Variants in SPIN1 observed in about 807,000 individuals in gnomAD.
The protein encoded by SPIN1 is spindlin 1.
A neutral mutation model predicts 26.0 loss-of-function variants in SPIN1; 3 were observed. That is an observed-to-expected ratio of 0.12 (90% CI 0.05 to 0.30). The LOEUF (loss-of-function observed/expected upper bound fraction) is 0.30. SPIN1 is among the 10% of genes least tolerant of loss of function. The pLI is 1.00. For missense variants in SPIN1, 126 were observed against 333.4 expected, an observed-to-expected ratio of 0.38 and a Z score of 4.84; for synonymous variants, 101 against 116.5, an observed-to-expected ratio of 0.87 and a Z score of 0.86.
chr9:88,417,304 G>C (rs967173968), intron 1 of SPIN1, among the ~76,000 whole-genome samples: 2 of 152,056 alleles, frequency 1.3e-5, no homozygotes, highest in Non-Finnish European at 1.5e-5. Flanking sequence ...GATCAAATGT[G>C]TGTGGGTTTT....
At chr9:88,410,540 TGCTACTGCCATA>T in intron 1 of SPIN1, 3 of 802,684 alleles carry the variant, frequency 3.7e-6, no homozygotes, top group Non-Finnish European at 6.6e-6. Flanking sequence ...TAAAATCTTC[TGCTACTGCCATA>T]GCTACTGCTG....
chr9:88,473,660 T>TGC (rs1554698701), intron 5 of SPIN1, among the ~76,000 whole-genome samples: 19 of 152,062 alleles, frequency 1.2e-4, no homozygotes, highest in African/African-American at 4.1e-4. Flanking sequence ...TGTGTGTGTG[T>TGC]GCACGCGCTA....
rs193066784 is a variant in SPIN1, at chr9:88,423,431, G to A, written c.-158-2951G>A. On this transcript the variant is annotated intron_variant, in intron 1 of 5. Coordinates refer to ENST00000375859, the MANE Select transcript of SPIN1 (RefSeq NM_006717.3). Reference sequence around the variant, plus strand: ...GGAAATACTACATTATGGTTTGTGGGTTTTTTGTTTGTTTGTTTGTTTGTT... The same window carrying A: ...GGAAATACTACATTATGGTTTGTGGATTTTTTGTTTGTTTGTTTGTTTGTT... Among the ~76,000 whole-genome samples the A allele has an allele frequency of 6.1e-4, 90 of 148,758 alleles. 1 individual carries two copies. The Middle Eastern group carries it at 0.014, about 22-fold the overall frequency.
chr9:88,398,610 T>C (rs575994369), intron 1 of SPIN1, among the ~76,000 whole-genome samples: 1 of 152,230 alleles, frequency 6.6e-6, no homozygotes, highest in African/African-American at 2.4e-5. Flanking sequence ...AGTTTCGCTC[T>C]TGTTGCCCAG....
chr9:88,449,675 C>T (rs370787710), intron 3 of SPIN1, among the ~76,000 whole-genome samples: 5 of 152,046 alleles, frequency 3.3e-5, no homozygotes, highest in Admixed American at 6.6e-5. Context: ...TTTATTATAT[C>T]TAATAGATTT....
In SPIN1 at chr9:88,477,999, A is replaced by AT. The variant is rs1390202556; in HGVS notation, c.*2727dup. On this transcript the variant is annotated 3_prime_UTR_variant, in exon 6 of 6. Coordinates refer to ENST00000375859, the MANE Select transcript of SPIN1 (RefSeq NM_006717.3). ...ATATTTAGGTTTTTTTGTTTTCTTT[A>AT]TTTTTATTTGTTTTCAGTTTCCTGT... 6.6e-6 allele frequency: 1 copy of AT among 151,962 alleles called. No individual in the cohort carries two copies. Among genetic ancestry groups the AT allele is most frequent in the Non-Finnish European group, 1.5e-5 (1 of 67,984 alleles). 9.4% of individuals were successfully genotyped at this position (151,962 alleles called of 1,614,324 possible).
chr9:88,461,818 A>T (rs1204486657), intron 3 of SPIN1, among the ~76,000 whole-genome samples: 1 of 152,208 alleles, frequency 6.6e-6, no homozygotes, highest in Non-Finnish European at 1.5e-5. Context: ...TCAATTGCTA[A>T]TAATAAGCCA....
At chr9:88,444,617 A>G (rs1828206191) in intron 2 of SPIN1, among the ~76,000 whole-genome samples, 1 of 151,058 alleles carries the variant, frequency 6.6e-6, no homozygotes, top group Non-Finnish European at 1.5e-5. Context: ...ATCTCAGATC[A>G]TTTCAGGGAT....
chr9:88,406,915 T>C (rs770370706), intron 1 of SPIN1, among the ~76,000 whole-genome samples: 28 of 152,194 alleles, frequency 1.8e-4, no homozygotes, highest in Non-Finnish European at 3.4e-4. Context: ...TGCATTGTTT[T>C]AATTCTGTCT....
intron 3 of SPIN1, among the ~76,000 whole-genome samples, chr9:88,457,324 G>T (rs925582101): frequency 3.9e-5 from 6 of 152,074 alleles, no homozygotes; most frequent in Non-Finnish European, 8.8e-5. Flanking sequence ...GAGGCCAGGA[G>T]TTTGAGCCAG....
At chr9:88,432,494 T>G (rs1236012553) in intron 2 of SPIN1, among the ~76,000 whole-genome samples, 1 of 150,536 alleles carries the variant, frequency 6.6e-6, no homozygotes, top group Non-Finnish European at 1.5e-5. Flanking sequence ...CCTTTTTTTT[T>G]TTTTCTTTGA....
intron 2 of SPIN1, among the ~76,000 whole-genome samples, chr9:88,443,101 C>T (rs1346134282): frequency 1.5e-5 from 2 of 132,550 alleles, no homozygotes; most frequent in Admixed American, 1.6e-4. Flanking sequence ...GCCTGGGTGA[C>T]AGAACGAGAC....
intron 5 of SPIN1, among the ~76,000 whole-genome samples, chr9:88,472,620 G>A (rs771565009): frequency 3.3e-5 from 5 of 152,144 alleles, no homozygotes; most frequent in Non-Finnish European, 5.9e-5. Context: ...AGCCTCCCGA[G>A]TAGCTGGGAT....
At chr9:88,424,734 A>G (rs112213292) in intron 1 of SPIN1, among the ~76,000 whole-genome samples, 370 of 152,338 alleles carry the variant, frequency 2.4e-3, no homozygotes, top group Non-Finnish European at 4.1e-3. Context: ...TATTGTTGAT[A>G]AAAAGGTCTG....
intron 4 of SPIN1, among the ~76,000 whole-genome samples, chr9:88,465,273 TG>T (rs1828642790): frequency 6.6e-6 from 1 of 152,180 alleles, no homozygotes; most frequent in African/African-American, 2.4e-5. Context: ...TGCTTTCAGT[TG>T]TTTTGGATAT....
chr9:88,429,973 G>A (rs982939817), intron 2 of SPIN1, among the ~76,000 whole-genome samples: 5 of 152,164 alleles, frequency 3.3e-5, no homozygotes, highest in Non-Finnish European at 7.4e-5. Context: ...TATTACAGAA[G>A]TATAGCCTAT....
chr9:88,401,889 A>G (rs1221824547), intron 1 of SPIN1, among the ~76,000 whole-genome samples: 1 of 152,228 alleles, frequency 6.6e-6, no homozygotes, highest in Non-Finnish European at 1.5e-5. Flanking sequence ...TTATTAATAC[A>G]TAATATTTTA....
chr9:88,400,015 T>C (rs1026749390), intron 1 of SPIN1, among the ~76,000 whole-genome samples: 2 of 152,206 alleles, frequency 1.3e-5, no homozygotes, highest in Non-Finnish European at 2.9e-5. Flanking sequence ...AATCCTTAAA[T>C]GCTGCTCTGC....
intron 1 of SPIN1, among the ~76,000 whole-genome samples, chr9:88,403,126 GATTATT>G (rs978937059): frequency 1.3e-5 from 2 of 151,944 alleles, no homozygotes; most frequent in Admixed American, 6.6e-5. Context: ...TTTTTAGTGG[GATTATT>G]ATTATTATTT....
Sources: gnomAD v4.1 joint callset for allele counts (sites outside exome capture counted in the v4.1 genomes callset) on GRCh38, gnomAD v4.1.1 for gene constraint, MANE v1.5 for transcripts, NCBI Gene and HGNC (gene_info 2026-07-23, HGNC 2026-07-21) for gene names.